TTLL11: variants seen among roughly 807,000 people sequenced by gnomAD.
The protein encoded by TTLL11 is tubulin polyglutamylase TTLL11.
In TTLL11, 42 loss-of-function variants were observed where a neutral mutation model predicts 51.7. The observed-to-expected ratio is 0.81, with a 90% confidence interval of 0.64 to 1.05. The LOEUF is 1.05. Ranked by LOEUF, TTLL11 falls within the 50% of genes least tolerant of loss-of-function variation. The pLI is 0.00. For synonymous variants in TTLL11, 381 were observed against 383.5 expected, an observed-to-expected ratio of 0.99 and a Z score of 0.08; for missense variants, 799 against 940.4, an observed-to-expected ratio of 0.85 and a Z score of 1.97.
intron 1 of TTLL11, among the ~76,000 whole-genome samples, chr9:122,052,196 T>C (rs1258693934): frequency 6.6e-6 from 1 of 152,166 alleles, no homozygotes; most frequent in Non-Finnish European, 1.5e-5. Flanking sequence ...GCCCGCTCAC[T>C]TCTCTGCCTT....
At chr9:121,946,696 C>A (rs996830300) in intron 6 of TTLL11, among the ~76,000 whole-genome samples, 1 of 152,194 alleles carries the variant, frequency 6.6e-6, no homozygotes, top group Non-Finnish European at 1.5e-5. Context: ...GGTCCTCAAA[C>A]GTGATTTGCA....
At chr9:121,944,329 G>A (rs943604025) in intron 6 of TTLL11, among the ~76,000 whole-genome samples, 4 of 152,178 alleles carry the variant, frequency 2.6e-5, no homozygotes, top group Admixed American at 6.5e-5. Flanking sequence ...CCAACATGAC[G>A]AATCCCCGCC....
chr9:121,951,787 CG>C, intron 6 of TTLL11, among the ~76,000 whole-genome samples: 1 of 152,290 alleles, frequency 6.6e-6, no homozygotes, highest in Non-Finnish European at 1.5e-5. Flanking sequence ...AATAAAAGAA[CG>C]GCTACTCCAT....
At chr9:122,042,746 T>C (rs1302883063) in intron 1 of TTLL11, among the ~76,000 whole-genome samples, 1 of 152,106 alleles carries the variant, frequency 6.6e-6, no homozygotes, top group East Asian at 1.9e-4. Flanking sequence ...AACAATGAAA[T>C]ATTATTCAGT....
At chr9:121,867,699 C>T (rs1190127524) in intron 7 of TTLL11, among the ~76,000 whole-genome samples, 1 of 152,174 alleles carries the variant, frequency 6.6e-6, no homozygotes, top group Non-Finnish European at 1.5e-5. Context: ...CGGGAGCCTG[C>T]TTTGATTCCA....
In TTLL11 at chr9:121,938,288, C is replaced by CAAAAAA. The variant is rs772725991; in HGVS notation, c.1481+35720_1481+35721insTTTTTT. ...TGGGGAACAGAGTGAGACGCTGTCT[C>CAAAAAA]AAAAAGAAAAAAAAAAAAATCAGGA... On this transcript the variant is annotated intron_variant, in intron 6 of 8. Transcript: ENST00000321582. Among the ~76,000 whole-genome samples the CAAAAAA allele has an allele frequency of 8.7e-4, 116 of 133,536 alleles. 4 individuals are homozygous for CAAAAAA. In the South Asian group the frequency reaches 9.2e-3, roughly 11 times the overall value. 87.6% of individuals were successfully genotyped at this position (133,536 alleles called of 152,430 possible).
rs912333384 is a variant in TTLL11 at position 121,909,947 on chromosome 9, G to A, written c.1482-39199C>T. Among the ~76,000 whole-genome samples, 4 of 152,274 alleles carry A rather than the reference G, an allele frequency of 2.6e-5. No individual in the cohort carries two copies. In the South Asian group the frequency reaches 8.3e-4, roughly 32 times the overall value. On this transcript the variant is annotated intron_variant, in intron 6 of 8. Coordinates refer to ENST00000321582, the MANE Select transcript of TTLL11 (RefSeq NM_001139442.2). ...AGATAGAAGGGAGTGTGGAAGGAAA[G>A]GGCACCATTTTGGAACTTAAACAAT...
intron 6 of TTLL11, among the ~76,000 whole-genome samples, chr9:121,972,618 C>T (rs906467627): frequency 3.3e-5 from 5 of 152,282 alleles, no homozygotes; most frequent in Admixed American, 2.6e-4. Context: ...TCCAGCCTGA[C>T]TCAGACTATG....
chr9:122,060,316 A>G (rs1845405558), intron 1 of TTLL11, among the ~76,000 whole-genome samples: 1 of 152,374 alleles, frequency 6.6e-6, no homozygotes, highest in South Asian at 2.1e-4. Flanking sequence ...GTGATTCACA[A>G]TTTAATAAAT....
intron 6 of TTLL11, among the ~76,000 whole-genome samples, chr9:121,950,513 G>T (rs1251232029): frequency 6.6e-6 from 1 of 152,174 alleles, no homozygotes; most frequent in Non-Finnish European, 1.5e-5. Context: ...TGGTGTCAAG[G>T]GTGGTTTCTC....
chr9:121,989,248 C>A lies in TTLL11; in HGVS notation c.1216G>T (p.Val406Phe). 6.2e-7 allele frequency: 1 copy of A among 1,614,140 alleles called. No individual in the cohort carries two copies. Among genetic ancestry groups the A allele is most frequent in the Non-Finnish European group, 8.5e-7 (1 of 1,179,986 alleles). Residue 406 changes from valine to phenylalanine, a missense_variant, in exon 4 of 9, where the codon GTC (valine) becomes TTC (phenylalanine). Val to Phe is a conservative substitution (Grantham distance 50). Transcript: ENST00000321582. The surrounding 1 kb of genome is among the most constrained non-coding windows in gnomAD (Gnocchi z 4.2). ...GTGGGGATGTCTGACTGGTAGAAGA[C>A]TTTGAGCTCTGGAGTCAGCGCGATG... ...TVIALTPELK[V>F]FYQSDIPTGR... is the part of the protein sequence containing the mutation.
chr9:122,053,594 G>A (rs1240348346), intron 1 of TTLL11, among the ~76,000 whole-genome samples: 1 of 152,138 alleles, frequency 6.6e-6, no homozygotes, highest in East Asian at 1.9e-4. Context: ...GAGAGACTGA[G>A]AGCAGCCAGG....
intron 1 of TTLL11, among the ~76,000 whole-genome samples, chr9:122,065,685 T>C (rs1363211605): frequency 6.6e-6 from 1 of 152,112 alleles, no homozygotes. Context: ...TTAATGAACC[T>C]CTCTGAGCTG....
At chr9:122,053,301 G>A (rs1464842006) in intron 1 of TTLL11, among the ~76,000 whole-genome samples, 1 of 152,178 alleles carries the variant, frequency 6.6e-6, no homozygotes, top group African/African-American at 2.4e-5. Context: ...TAACCAAGGA[G>A]GGGCCACTGG....
chr9:121,977,191 T>G (rs1265473571), intron 4 of TTLL11, among the ~76,000 whole-genome samples: 2 of 152,176 alleles, frequency 1.3e-5, no homozygotes, highest in African/African-American at 4.8e-5. Flanking sequence ...GAACCTAAAC[T>G]TGAGTGCATG....
At chr9:122,025,312 T>A (rs1844298253) in intron 3 of TTLL11, among the ~76,000 whole-genome samples, 1 of 152,136 alleles carries the variant, frequency 6.6e-6, no homozygotes, top group Non-Finnish European at 1.5e-5. Context: ...TTAGAATGGC[T>A]AAAATTAAAA....
chr9:121,822,782 G>A lies in TTLL11; in HGVS notation c.1938C>T (p.Asp646=), dbSNP rs563986013. 4.0e-4 allele frequency: 628 copies of A among 1,551,716 alleles called. 4 individuals carry two copies. The South Asian group carries it at 7.0e-3, about 17-fold the overall frequency. The change falls in exon 9 of 9, where the codon GAC becomes GAT. Residue 646 remains aspartate, a synonymous_variant. Transcript: ENST00000321582. This position sits in a 1 kb window ranked among gnomAD's most constrained non-coding sequence, Gnocchi z 5.8. The part of the protein sequence containing the change: ...PLHEQVASLI[D]LCEYHLSLLD... ...GCAGGGACAGGTGGTACTCGCAAAG[G>A]TCAATCAGTGAGGCCACCTGCTCAT...
intron 6 of TTLL11, among the ~76,000 whole-genome samples, chr9:121,874,755 A>ACT: frequency 7.2e-6 from 1 of 139,322 alleles, no homozygotes; most frequent in South Asian, 2.3e-4. Flanking sequence ...TCAGAGGCAT[A>ACT]ATTTTTTTTT....
intron 5 of TTLL11, 105 bp downstream of exon 5, chr9:121,974,779 T>C: frequency 1.1e-6 from 1 of 925,454 alleles, no homozygotes; most frequent in Non-Finnish European, 1.6e-6. Context: ...AATTTGGCTA[T>C]GAAAATCTGA....
Sources: gnomAD v4.1 joint callset for allele counts (sites outside exome capture counted in the v4.1 genomes callset) on GRCh38, gnomAD v4.1.1 for gene constraint, Gnocchi (gnomAD v3.1) non-coding constraint, MANE v1.5 for transcripts, NCBI Gene and HGNC (gene_info 2026-07-23, HGNC 2026-07-21) for gene names.